Variants in CNTNAP4 observed in about 807,000 individuals in gnomAD.
The protein encoded by CNTNAP4 is contactin-associated protein-like 4.
In CNTNAP4, 98 loss-of-function variants were observed where a neutral mutation model predicts 148.4. The ratio of observed to expected loss-of-function variants is 0.66; its 90% confidence interval spans 0.56 to 0.78. The LOEUF (loss-of-function observed/expected upper bound fraction) is 0.78, where lower values mean the gene tolerates loss of function less well. Among genes scored for constraint, CNTNAP4 ranks in the 30% least tolerant of loss-of-function variants. The pLI is 0.00. For synonymous variants in CNTNAP4, 730 were observed against 565.1 expected (o/e 1.29, Z -4.14); for missense variants, 1,935 against 1,565.6 (o/e 1.24, Z -3.98).
At chr16:76,323,422 A>ACC (rs1962637331) in intron 2 of CNTNAP4, among the ~76,000 whole-genome samples, 1 of 152,150 alleles carries the variant, frequency 6.6e-6, no homozygotes, top group Admixed American at 6.5e-5. Flanking sequence ...TCAGTGATGT[A>ACC]TCACTTGTTC....
intron 3 of CNTNAP4, among the ~76,000 whole-genome samples, chr16:76,366,431 G>A (rs2014143746): frequency 6.6e-6 from 1 of 152,250 alleles, no homozygotes; most frequent in East Asian, 1.9e-4. Context: ...ATGGCCTCCA[G>A]TTCCATCCAT....
At chr16:76,374,895 A>G (rs1014972150) in intron 3 of CNTNAP4, among the ~76,000 whole-genome samples, 1 of 151,732 alleles carries the variant, frequency 6.6e-6, no homozygotes, top group Non-Finnish European at 1.5e-5. Context: ...CTGCCTCTCA[A>G]GTAGCTGGGA....
intron 3 of CNTNAP4, among the ~76,000 whole-genome samples, chr16:76,389,502 G>A (rs2016779964): frequency 6.6e-6 from 1 of 152,084 alleles, no homozygotes; most frequent in Non-Finnish European, 1.5e-5. Flanking sequence ...TGCCTAGGCT[G>A]GAGTGCAGTG....
chr16:76,462,858 GTCA>G (rs370577988), intron 9 of CNTNAP4, among the ~76,000 whole-genome samples: 40 of 152,248 alleles, frequency 2.6e-4, no homozygotes, highest in African/African-American at 9.1e-4. Flanking sequence ...GCGTTGTTTT[GTCA>G]TCGTTATGTT....
chr16:76,414,332 CTT>C (rs1485320802), intron 3 of CNTNAP4, among the ~76,000 whole-genome samples: 3 of 151,436 alleles, frequency 2.0e-5, no homozygotes, highest in African/African-American at 4.8e-5. Flanking sequence ...CATTGAATGA[CTT>C]TTAAATATTA....
chr16:76,334,409 T>A (rs1467131740), intron 2 of CNTNAP4, among the ~76,000 whole-genome samples: 1 of 152,114 alleles, frequency 6.6e-6, no homozygotes, highest in African/African-American at 2.4e-5. Context: ...ATCTTCGACT[T>A]GCTGCTCACA....
In CNTNAP4 at chr16:76,369,934, C is replaced by T. The variant is rs116505491; in HGVS notation, c.390+14423C>T. On this transcript the variant is annotated intron_variant, in intron 3 of 23. Transcript: ENST00000611870. ...TAGCCTTCAATGGATTGGATTATAT[C>T]TGCCTACAATGGTGAGGGCAGGTCT... Among the ~76,000 whole-genome samples, 1,463 of 152,180 alleles carry T rather than the reference C, an allele frequency of 9.6e-3. 31 individuals are homozygous for T. The highest frequency in any genetic ancestry group is 0.033 in the African/African-American group (1,391 of 41,524).
At chr16:76,354,073 C>A (rs777822921) in intron 2 of CNTNAP4, among the ~76,000 whole-genome samples, 58 of 152,094 alleles carry the variant, frequency 3.8e-4, no homozygotes, top group Non-Finnish European at 2.8e-4. Context: ...AGGTGAGCAG[C>A]AAAAGAATGG....
intron 3 of CNTNAP4, among the ~76,000 whole-genome samples, chr16:76,418,406 T>A (rs571153421): frequency 3.3e-5 from 2 of 61,188 alleles, no homozygotes; most frequent in East Asian, 5.6e-4. Flanking sequence ...TATATATATA[T>A]TTTTATTATA....
chr16:76,376,027 A>G (rs2015378430), intron 3 of CNTNAP4, among the ~76,000 whole-genome samples: 1 of 152,084 alleles, frequency 6.6e-6, no homozygotes, highest in South Asian at 2.1e-4. Flanking sequence ...TGTGAAAGTT[A>G]AATACAAAAG....
At chr16:76,364,793 A>G (rs1479772971) in intron 3 of CNTNAP4, among the ~76,000 whole-genome samples, 1 of 152,166 alleles carries the variant, frequency 6.6e-6, no homozygotes, top group Admixed American at 6.6e-5. Context: ...TAGAGACGAG[A>G]TTAAAAAATA....
intron 2 of CNTNAP4, among the ~76,000 whole-genome samples, chr16:76,342,323 ATTC>A (rs910754795): frequency 5.3e-5 from 8 of 152,254 alleles, no homozygotes; most frequent in South Asian, 2.1e-4. Flanking sequence ...ATAACACAAT[ATTC>A]TTCTTCTCAG....
chr16:76,516,456 T>C (rs558679155), intron 15 of CNTNAP4, among the ~76,000 whole-genome samples: 13 of 152,354 alleles, frequency 8.5e-5, no homozygotes, highest in African/African-American at 2.9e-4. Context: ...ATGGCATTGC[T>C]GGGTCAAATG....
intron 4 of CNTNAP4, among the ~76,000 whole-genome samples, chr16:76,443,832 T>C (rs755677980): frequency 3.9e-5 from 6 of 152,178 alleles, no homozygotes; most frequent in Non-Finnish European, 5.9e-5. Context: ...TTGCTGTTGC[T>C]TTTTTAAGAG....
chr16:76,284,731 T>C (rs531202032), intron 1 of CNTNAP4, among the ~76,000 whole-genome samples: 82 of 152,154 alleles, frequency 5.4e-4, no homozygotes, highest in African/African-American at 1.9e-3. Context: ...AAGCTGTGAT[T>C]GTCTGTGTAT....
At chr16:76,474,434 G>A (rs754241090) in intron 10 of CNTNAP4, among the ~76,000 whole-genome samples, 6 of 152,068 alleles carry the variant, frequency 3.9e-5, no homozygotes, top group Non-Finnish European at 8.8e-5. Context: ...AAGGAGAGGG[G>A]AATGTTAGTA....
rs145298841 is a variant in CNTNAP4, at chr16:76,522,554, C to T, written c.2755+297C>T. ...TGTTTAACTAATTCCTATTTGCCTG[C>T]CTGCCTGCCTGCCTGCCGCCCTCCT... On this transcript the variant is annotated intron_variant, in intron 17 of 23. Coordinates refer to ENST00000611870, the MANE Select transcript of CNTNAP4 (RefSeq NM_033401.5). Among the ~76,000 whole-genome samples the T allele has an allele frequency of 1.6e-3, 249 of 151,730 alleles. 2 individuals carry two copies. The highest frequency in any genetic ancestry group is 6.8e-3 in the Middle Eastern group (2 of 294).
At chr16:76,464,749 C>T (rs1452627160) in intron 9 of CNTNAP4, among the ~76,000 whole-genome samples, 2 of 152,198 alleles carry the variant, frequency 1.3e-5, no homozygotes, top group Non-Finnish European at 1.5e-5. Flanking sequence ...GAACTAGCAG[C>T]ACTGTGTATA....
intron 4 of CNTNAP4, among the ~76,000 whole-genome samples, chr16:76,447,338 G>GTATATATATATATATGAAATTATA (rs147278697): frequency 2.6e-5 from 3 of 117,390 alleles, no homozygotes; most frequent in South Asian, 2.7e-4. Flanking sequence ...ATGAAATTAT[G>GTATATATATATATATGAAATTATA]TATATATATA....
Sources: allele counts gnomAD v4.1 joint callset (sites outside exome capture counted in the v4.1 genomes callset), GRCh38; gene constraint gnomAD v4.1.1; transcripts MANE v1.5; gene names NCBI Gene and HGNC (gene_info 2026-07-23, HGNC 2026-07-21).